OR5M3: variants seen among roughly 807,000 people sequenced by gnomAD.
The protein encoded by OR5M3 is olfactory receptor family 5 subfamily M member 3.
For synonymous variants in OR5M3, 129 were observed against 131.3 expected, an observed-to-expected ratio of 0.98 and a Z score of 0.12; for missense variants, 384 against 378.6, an observed-to-expected ratio of 1.01 and a Z score of -0.12.
At chr11:56,471,884 T>C (rs1590904711) in intron 1 of OR5M3, among the ~76,000 whole-genome samples, 2 of 152,018 alleles carry the variant, frequency 1.3e-5, no homozygotes, top group Admixed American at 6.6e-5. Flanking sequence ...CTAATGGCTA[T>C]ATGTTATCTC....
rs1358364803 is a variant in OR5M3, at chr11:56,470,187, G to T, written c.311C>A (p.Ala104Asp). 6.2e-7 allele frequency: 1 copy of T among 1,613,292 alleles called. No individual in the cohort carries two copies. The highest frequency in any genetic ancestry group is 2.2e-5 in the East Asian group (1 of 44,868). Residue 104 changes from alanine to aspartate, a missense_variant, in exon 2 of 2, where the codon GCT becomes GAT. By Grantham distance (126) the Ala-to-Asp change is moderately radical. Coordinates refer to ENST00000641993, the MANE Select transcript of OR5M3 (RefSeq NM_001004742.3). ...AATAAAAATTTCCACATGGACAAGA[G>T]CAATGAAGAAGAAACACTGTACTAA... ...GCLVQCFFFI[A>D]LVHVEIFILA...
At position 56,470,062 on chromosome 11, in the gene OR5M3, G is replaced by C. The variant is rs537773767; in HGVS notation, c.436C>G (p.Pro146Ala). ...RVVCIRLITFPYIYGFLTSLA... is the reference protein window; with the variant it reads ...RVVCIRLITFAYIYGFLTSLA... ...CTCGTCAGAAAACCATAAATGTAAG[G>C]GAAAGTAATCAGTCGAATACAGACA... Residue 146 changes from proline (P) to alanine (A), a missense_variant, in exon 2 of 2, where the codon CCT (proline) becomes GCT (alanine). Pro to Ala is a conservative substitution (Grantham distance 27). Transcript: ENST00000641993. 1.2e-5 allele frequency: 20 copies of C among 1,610,372 alleles called. No individual in the cohort carries two copies. The Admixed American group carries it at 3.0e-4, about 24-fold the overall frequency.
In OR5M3 at chr11:56,469,787, G is replaced by A. The variant is rs1181394741; in HGVS notation, c.711C>T (p.Ser237=). 3.1e-6 allele frequency: 5 copies of A among 1,612,316 alleles called. No homozygotes were observed. The highest frequency in any genetic ancestry group is 1.7e-4 in the Middle Eastern group (1 of 6,050). The change falls in exon 2 of 2, where the codon TCC becomes TCT. Residue 237 remains serine, a synonymous_variant. Coordinates refer to ENST00000641993, the MANE Select transcript of OR5M3 (RefSeq NM_001004742.3). ...CAGCTGTCAGATGGGACCCACATGT[G>A]GAAAAGGCCTTCTGCCTTCCTTCTG... ...RSAEGRQKAF[S]TCGSHLTAVI...
At chr11:56,472,798 G>A (rs773208170) in intron 1 of OR5M3, among the ~76,000 whole-genome samples, 11 of 151,914 alleles carry the variant, frequency 7.2e-5, no homozygotes, top group Non-Finnish European at 1.5e-4. Context: ...CAGGTATGAA[G>A]CAATATTAAG....
intron 1 of OR5M3, 77 bp downstream of exon 1, chr11:56,473,144 T>C (rs919540434): frequency 1.2e-4 from 18 of 152,254 alleles, no homozygotes; most frequent in African/African-American, 4.3e-4. Context: ...AATGCATTTC[T>C]ATAAATCGTA....
At position 56,469,457 on chromosome 11, in the gene OR5M3, A is replaced by G. The variant is rs1215860613; in HGVS notation, c.*117T>C. ...TATTTTCTCAATTTGTACCACTTTT[A>G]TTTTTCTTTTCAACCCACAGAATAT... On this transcript the variant is annotated 3_prime_UTR_variant, in exon 2 of 2. Transcript: ENST00000641993. 2 of 580,644 alleles carry G rather than the reference A, an allele frequency of 3.4e-6. No homozygotes were observed. Among genetic ancestry groups the G allele is most frequent in the East Asian group, 5.9e-5 (2 of 33,710 alleles). The allele number at this position is 580,644 out of a possible 1,614,324, so 36.0% of individuals were successfully genotyped here.
chr11:56,469,485 T>A lies in OR5M3; in HGVS notation c.*89A>T. 1 of 686,134 alleles carries A rather than the reference T, an allele frequency of 1.5e-6. No individual in the cohort carries two copies. Among genetic ancestry groups the A allele is most frequent in the Non-Finnish European group, 2.3e-6 (1 of 428,074 alleles). 42.5% of individuals were successfully genotyped at this position (686,134 alleles called of 1,614,324 possible). ...TTTCTTTTCAACCCACAGAATATCTTTATCTTAATGTTCCTAGGTACTGGG... is the reference window on the plus strand; with the variant it reads ...TTTCTTTTCAACCCACAGAATATCTATATCTTAATGTTCCTAGGTACTGGG... On this transcript the variant is annotated 3_prime_UTR_variant, in exon 2 of 2. Transcript: ENST00000641993.
Position 56,470,464 on chromosome 11 carries a change from G to A in OR5M3, c.34C>T (p.Leu12Phe). The change falls in exon 2 of 2, where the codon CTT becomes TTT. Residue 12 changes from leucine (L) to phenylalanine (F), a missense_variant. Coordinates refer to ENST00000641993, the MANE Select transcript of OR5M3 (RefSeq NM_001004742.3). ...TCTCGACGGCTCGTTAGCCCCAAAA[G>A]AATGAACTCTGTCACATCGGTGAAA... ...LNFTDVTEFI[L>F]LGLTSRREWQ... 6.2e-7 allele frequency: 1 copy of A among 1,605,152 alleles called. No individual in the cohort carries two copies. Among genetic ancestry groups the A allele is most frequent in the Non-Finnish European group, 8.5e-7 (1 of 1,176,020 alleles).
chr11:56,470,463 A>C lies in OR5M3; in HGVS notation c.35T>G (p.Leu12Arg). The change falls in exon 2 of 2, where the codon CTT becomes CGT. Residue 12 changes from leucine to arginine, a missense_variant. Leu to Arg is a moderately radical substitution (Grantham distance 102). Transcript: ENST00000641993. ...TTCTCGACGGCTCGTTAGCCCCAAA[A>C]GAATGAACTCTGTCACATCGGTGAA... ...LNFTDVTEFI[L>R]LGLTSRREWQ... The C allele has an allele frequency of 6.2e-7, 1 of 1,607,330 alleles. No homozygotes were observed. The highest frequency in any genetic ancestry group is 8.5e-7 in the Non-Finnish European group (1 of 1,177,190).
intron 1 of OR5M3, among the ~76,000 whole-genome samples, 153 bp downstream of exon 1, chr11:56,473,068 A>T (rs1179167648): frequency 6.6e-6 from 1 of 152,134 alleles, no homozygotes; most frequent in Non-Finnish European, 1.5e-5. Context: ...ATCAAATAAT[A>T]TAATCCTATT....
chr11:56,472,021 G>A (rs1470066338), intron 1 of OR5M3, among the ~76,000 whole-genome samples: 2 of 152,080 alleles, frequency 1.3e-5, no homozygotes, highest in East Asian at 1.9e-4. Context: ...TAGCAGTCAG[G>A]AAGGTAAATC....
At chr11:56,472,244 A>G (rs1000363473) in intron 1 of OR5M3, among the ~76,000 whole-genome samples, 1 of 152,034 alleles carries the variant, frequency 6.6e-6, no homozygotes, top group Admixed American at 6.6e-5. Context: ...ATAATAGTTA[A>G]AGTTCTAAAA....
chr11:56,471,211 T>TA (rs1374014721), intron 1 of OR5M3, among the ~76,000 whole-genome samples: 4 of 152,022 alleles, frequency 2.6e-5, no homozygotes. Flanking sequence ...CAAAAATAGG[T>TA]AAAACATACA....
intron 1 of OR5M3, 136 bp from the exon 2 acceptor site, chr11:56,470,677 C>A (rs1024410312): frequency 6.5e-6 from 3 of 464,454 alleles, no homozygotes; most frequent in Non-Finnish European, 1.1e-5. Flanking sequence ...ATGTAACAGG[C>A]TCTGTGATGA....
intron 1 of OR5M3, 105 bp from the exon 2 acceptor site, chr11:56,470,646 G>T: frequency 2.0e-6 from 1 of 506,526 alleles, no homozygotes; most frequent in Non-Finnish European, 3.4e-6. Flanking sequence ...TCTTTTCACA[G>T]ATCTTTTCTC....
chr11:56,470,366 C>A lies in OR5M3; in HGVS notation c.132G>T (p.Met44Ile). 6.2e-7 allele frequency: 1 copy of A among 1,613,556 alleles called. No individual in the cohort carries two copies. ...GCTGAGGACTGACCTTGATTAACAC[C>A]ATCATGCCGATATTGCCCACCATGG... ...IITMVGNIGM[M>I]VLIKVSPQLN... Residue 44 changes from methionine to isoleucine, a missense_variant, in exon 2 of 2, where the codon ATG becomes ATT. Coordinates refer to ENST00000641993, the MANE Select transcript of OR5M3 (RefSeq NM_001004742.3).
Position 56,470,013 on chromosome 11 carries a change from T to G in OR5M3, c.485A>C (p.Tyr162Ser), listed in dbSNP as rs371141512. Residue 162 changes from tyrosine (Y) to serine (S), a missense_variant, in exon 2 of 2, where the codon TAC (tyrosine) becomes TCC (serine). Tyr to Ser is a moderately radical substitution (Grantham distance 144). Coordinates refer to ENST00000641993, the MANE Select transcript of OR5M3 (RefSeq NM_001004742.3). Reference protein sequence around the residue: ...LTSLAATLWTYGLYFCGKIEI... With the variant: ...LTSLAATLWTSGLYFCGKIEI... ...AATTTTTCCACAGAAGTACAAGCCG[T>G]AAGTCCATAATGTTGCTGCCAGACT... is the stretch of plus-strand genomic sequence containing the variant. 19 of 1,613,496 alleles carry G rather than the reference T, an allele frequency of 1.2e-5. No homozygotes were observed. The African/African-American group carries it at 2.4e-4, about 20-fold the overall frequency.
At position 56,470,542 on chromosome 11, in the gene OR5M3, CTAAAA is replaced by C. The variant is rs200975317; in HGVS notation, c.-44-6_-44-2del. The stretch of plus-strand genomic sequence containing the variant: ...TATCAGTTACAAAACTTTTTGATAA[CTAAAA>C]TAAAATAAAGGAAATATTAGAATAT... On this transcript the variant is annotated splice_acceptor_variant and splice_polypyrimidine_tract_variant and intron_variant, in intron 1 of 1. Coordinates refer to ENST00000641993, the MANE Select transcript of OR5M3 (RefSeq NM_001004742.3). LOFTEE classifies it low-confidence loss of function (5UTR_SPLICE). 7.6e-3 allele frequency: 8,326 copies of C among 1,091,652 alleles called. 81 individuals are homozygous for C. Among genetic ancestry groups the C allele is most frequent in the Middle Eastern group, 0.017 (76 of 4,404 alleles). The allele number at this position is 1,091,652 out of a possible 1,614,324, so 67.6% of individuals were successfully genotyped here. A position where few individuals can be genotyped will look rare whatever the true frequency, so the allele number is the denominator to read the frequency against.
Position 56,470,050 on chromosome 11 carries a change from C to T in OR5M3, c.448G>A (p.Gly150Ser). 6.2e-7 allele frequency: 1 copy of T among 1,612,166 alleles called. No homozygotes were observed. ...IRLITFPYIY[G>S]FLTSLAATLW... is the part of the protein sequence containing the mutation. ...GTTGCTGCCAGACTCGTCAGAAAAC[C>T]ATAAATGTAAGGGAAAGTAATCAGT... The change falls in exon 2 of 2, where the codon GGT (glycine) becomes AGT (serine). Residue 150 changes from glycine to serine, a missense_variant. Gly to Ser is a moderately conservative substitution (Grantham distance 56). Transcript: ENST00000641993.
Sources: allele counts gnomAD v4.1 joint callset (sites outside exome capture counted in the v4.1 genomes callset), GRCh38; gene constraint gnomAD v4.1.1; transcripts MANE v1.5; gene names NCBI Gene and HGNC (gene_info 2026-07-23, HGNC 2026-07-21).